IFT140: variants seen among roughly 807,000 people sequenced by gnomAD.
IFT140 encodes intraflagellar transport protein 140 homolog.
A neutral mutation model predicts 164.6 loss-of-function variants in IFT140; 133 were observed. That is an observed-to-expected ratio of 0.81 (90% CI 0.70 to 0.93). The LOEUF is 0.93. Ranked by LOEUF, IFT140 falls within the 40% of genes least tolerant of loss-of-function variation. The probability of loss-of-function intolerance (pLI) is 0.00; values close to 1 mark genes in which losing one functional copy is unlikely to be tolerated. For missense variants in IFT140, 2,045 were observed against 1,972.3 expected (o/e 1.04, Z -0.70); for synonymous variants, 860 against 817.3 (o/e 1.05, Z -0.89).
chr16:1,584,024 C>T (rs1050039987), intron 11 of IFT140, among the ~76,000 whole-genome samples, 193 bp downstream of exon 11: 5 of 152,180 alleles, frequency 3.3e-5, no homozygotes, highest in Admixed American at 6.5e-5. Context: ...CGTCAGCCAC[C>T]GTGCCTGGCC....
At chr16:1,597,165 A>G (rs2035505454) in intron 4 of IFT140, among the ~76,000 whole-genome samples, 1 of 152,096 alleles carries the variant, frequency 6.6e-6, no homozygotes, top group African/African-American at 2.4e-5. Context: ...GCGTCAGGTG[A>G]GGGTTTACTT....
rs1240399924 is a variant in IFT140, at chr16:1,562,053, A to G, written c.2131T>C (p.Phe711Leu). ...CTGTGGGAGGTGGCAGGCCGGGGGA[A>G]GCTCTCATGAAGCAGGAAGCCGTGC... ...EEHGFLLHES[F>L]PRPATSHSLL... The change falls in exon 18 of 31, where the codon TTC (phenylalanine) becomes CTC (leucine). Residue 711 changes from phenylalanine to leucine, a missense_variant. By Grantham distance (22) the Phe-to-Leu change is conservative. Coordinates refer to ENST00000426508, the MANE Select transcript of IFT140 (RefSeq NM_014714.4). 1 of 1,612,228 alleles carries G rather than the reference A, an allele frequency of 6.2e-7. No individual in the cohort carries two copies. The highest frequency in any genetic ancestry group is 8.5e-7 in the Non-Finnish European group (1 of 1,179,176).
intron 26 of IFT140, among the ~76,000 whole-genome samples, chr16:1,521,925 A>AT (rs1269229757): frequency 6.6e-6 from 1 of 150,842 alleles, no homozygotes; most frequent in East Asian, 2.0e-4. Flanking sequence ...TTTAAAAAAA[A>AT]AAAAAAAAAG....
intron 13 of IFT140, among the ~76,000 whole-genome samples, chr16:1,576,057 G>A (rs111924003): frequency 0.084 from 12,759 of 152,108 alleles, 641 homozygotes; most frequent in African/African-American, 0.14. Context: ...AGACTGAGGC[G>A]GGTGGATCAC....
At chr16:1,584,606 G>A (rs1276641075) in intron 10 of IFT140, among the ~76,000 whole-genome samples, 186 bp from the exon 11 acceptor site, 1 of 152,208 alleles carries the variant, frequency 6.6e-6, no homozygotes, top group African/African-American at 2.4e-5. Context: ...AGTATGCTGT[G>A]TAGAAAGACT....
At chr16:1,598,414 C>T (rs558387484) in intron 4 of IFT140, among the ~76,000 whole-genome samples, 1 of 152,048 alleles carries the variant, frequency 6.6e-6, no homozygotes, top group African/African-American at 2.4e-5. Flanking sequence ...GCCGAGATGG[C>T]GCCACTGCAC....
chr16:1,526,044 G>T lies in IFT140; in HGVS notation c.2611C>A (p.Arg871Ser). ...TAGAACTTGTTCAGGAGGTCGTGGC[G>T]CTTGCACTTCCTGTACAGCTGCTCG... ...DAEQLYRKCK[R>S]HDLLNKFYQA... Residue 871 changes from arginine to serine, a missense_variant, in exon 21 of 31, where the codon CGC becomes AGC. Coordinates refer to ENST00000426508, the MANE Select transcript of IFT140 (RefSeq NM_014714.4). 1 of 1,599,420 alleles carries T rather than the reference G, an allele frequency of 6.3e-7. No homozygotes were observed. The highest frequency in any genetic ancestry group is 8.5e-7 in the Non-Finnish European group (1 of 1,173,396).
At position 1,533,702 on chromosome 16, in the gene IFT140, C is replaced by CT. The variant is rs2030750670; in HGVS notation, c.2400-6907dup. On this transcript the variant is annotated intron_variant, in intron 19 of 30. Coordinates refer to ENST00000426508, the MANE Select transcript of IFT140 (RefSeq NM_014714.4). The surrounding 1 kb of genome is among the most constrained non-coding windows in gnomAD (Gnocchi z 4.7). The stretch of plus-strand genomic sequence containing the variant: ...TGCTGAGAGCCAGGGAAGGCGAGCT[C>CT]TGCGCACACGGGCGTCCCTGCAGCA... 1 of 153,184 alleles carries CT rather than the reference C, an allele frequency of 6.5e-6. No homozygotes were observed. Among genetic ancestry groups the CT allele is most frequent in the African/African-American group, 2.4e-5 (1 of 41,474 alleles). 9.5% of individuals were successfully genotyped at this position (153,184 alleles called of 1,614,324 possible). A position where few individuals can be genotyped will look rare whatever the true frequency, so the allele number is the denominator to read the frequency against.
rs566510824 is a variant in IFT140 at position 1,595,281 on chromosome 16, T to C, written c.370-2693A>G. On this transcript the variant is annotated intron_variant, in intron 4 of 30. Transcript: ENST00000426508. ...GCCTGGGTGACAGAGTGAGACTTCG[T>C]CTCAAATAAACAAACAAACAAACAA... Among the ~76,000 whole-genome samples, 4 of 150,860 alleles carry C rather than the reference T, an allele frequency of 2.7e-5. No individual in the cohort carries two copies. The East Asian group carries it at 5.9e-4, about 22-fold the overall frequency.
intron 26 of IFT140, 132 bp downstream of exon 26, chr16:1,523,386 A>G: frequency 4.5e-6 from 4 of 897,406 alleles, no homozygotes; most frequent in Non-Finnish European, 6.7e-6. Flanking sequence ...AACCTAGGGC[A>G]GGGGGCACCC....
intron 19 of IFT140, chr16:1,557,561 G>T (rs1264210698): frequency 9.7e-6 from 2 of 205,244 alleles, no homozygotes; most frequent in Non-Finnish European, 2.0e-5. Context: ...GCCCTTGATT[G>T]ATACCCTCTT....
At chr16:1,528,634 A>C (rs1470331355) in intron 19 of IFT140, 1 of 154,626 alleles carries the variant, frequency 6.5e-6, no homozygotes, top group East Asian at 1.9e-4. Flanking sequence ...ATCCCCACCC[A>C]GGGCCACCCT....
chr16:1,530,959 G>A (rs369920776), intron 19 of IFT140: 11 of 152,318 alleles, frequency 7.2e-5, no homozygotes, highest in African/African-American at 2.2e-4. Flanking sequence ...CGAGGCTGCT[G>A]GGAGAACCCA....
In IFT140 at chr16:1,551,951, G is replaced by A. The variant is rs111955121; in HGVS notation, c.2399+5984C>T. Among the ~76,000 whole-genome samples the A allele has an allele frequency of 4.6e-5, 7 of 152,248 alleles. No homozygotes were observed. Among genetic ancestry groups the A allele is most frequent in the African/African-American group, 1.4e-4 (6 of 41,546 alleles). ...GTCCCCGGGGCCTCTCCCTGGTGAC[G>A]TGTGGCCCGCGCTGTCCCCCTGCAA... On this transcript the variant is annotated intron_variant, in intron 19 of 30. Coordinates refer to ENST00000426508, the MANE Select transcript of IFT140 (RefSeq NM_014714.4). This position sits in a 1 kb window ranked among gnomAD's most constrained non-coding sequence, Gnocchi z 4.0.
At chr16:1,561,854 T>C in intron 18 of IFT140, 131 bp downstream of exon 18, 1 of 839,150 alleles carries the variant, frequency 1.2e-6, no homozygotes, top group South Asian at 2.4e-5. Context: ...GCTGATGCTG[T>C]CTACGGAGAG....
intron 30 of IFT140, among the ~76,000 whole-genome samples, chr16:1,512,190 C>T (rs1482503326): frequency 7.2e-5 from 1 of 13,922 alleles, no homozygotes; most frequent in Admixed American, 9.5e-4. Flanking sequence ...GCAGGACAGG[C>T]GGCATAGGTG....
chr16:1,539,483 C>T (rs1239662755), intron 19 of IFT140, among the ~76,000 whole-genome samples: 2 of 152,266 alleles, frequency 1.3e-5, no homozygotes, highest in African/African-American at 4.8e-5. Flanking sequence ...CACCTATGCC[C>T]ATGCTGAGCC....
At chr16:1,529,085 G>A (rs1326911796) in intron 19 of IFT140, among the ~76,000 whole-genome samples, 3 of 152,198 alleles carry the variant, frequency 2.0e-5, no homozygotes, top group East Asian at 1.9e-4. Context: ...TGGCTGCAAC[G>A]CGGCATACCC....
intron 13 of IFT140, among the ~76,000 whole-genome samples, chr16:1,572,139 T>G (rs2034052524): frequency 6.6e-6 from 1 of 152,136 alleles, no homozygotes; most frequent in African/African-American, 2.4e-5. Context: ...GTGTGGGTAT[T>G]TCAGTAAAAT....
Sources: gnomAD v4.1 joint callset for allele counts (sites outside exome capture counted in the v4.1 genomes callset) on GRCh38, gnomAD v4.1.1 for gene constraint, Gnocchi (gnomAD v3.1) non-coding constraint, MANE v1.5 for transcripts, NCBI Gene and HGNC (gene_info 2026-07-23, HGNC 2026-07-21) for gene names.